FSTL5: variants seen among roughly 807,000 people sequenced by gnomAD.
The protein encoded by FSTL5 is follistatin like 5, also known as follistatin-related protein 5.
FSTL5 carries 62 observed loss-of-function variants against 89.1 expected under a neutral mutation model. The ratio of observed to expected loss-of-function variants is 0.70; its 90% CI spans 0.57 to 0.86. FSTL5 has a LOEUF of 0.86. Ranked by LOEUF, FSTL5 falls within the 40% of genes least tolerant of loss-of-function variation. FSTL5 has a pLI of 0.00. For synonymous variants in FSTL5, 383 were observed against 346.2 expected (o/e 1.11, Z -1.18); for missense variants, 1,057 against 1,001.6 (o/e 1.06, Z -0.75).
chr4:161,601,714 T>G lies in FSTL5; in HGVS notation c.895-14139A>C, dbSNP rs1294719770. 5.3e-5 allele frequency among the ~76,000 whole-genome samples: 8 copies of G among 152,164 alleles called. No individual in the cohort carries two copies. The East Asian group carries it at 1.6e-3, about 29-fold the overall frequency. On this transcript the variant is annotated intron_variant, in intron 7 of 15. Transcript: ENST00000306100. ...GATGGACCAGGCACAATCAAGAATT[T>G]TATCAATTAATACAGCTCCCACCAC...
intron 1 of FSTL5, among the ~76,000 whole-genome samples, chr4:162,136,621 G>A (rs898630215): frequency 6.6e-6 from 1 of 151,982 alleles, no homozygotes; most frequent in Non-Finnish European, 1.5e-5. Flanking sequence ...AATCCAGCTT[G>A]TAGATATAGC....
intron 15 of FSTL5, among the ~76,000 whole-genome samples, chr4:161,442,254 C>T (rs921388103): frequency 6.6e-6 from 1 of 150,888 alleles, no homozygotes; most frequent in Non-Finnish European, 1.5e-5. Context: ...TTTCATTGTG[C>T]CTTAGTTTAC....
intron 6 of FSTL5, among the ~76,000 whole-genome samples, chr4:161,726,958 TAAAG>T (rs1739447747): frequency 1.3e-5 from 2 of 151,256 alleles, no homozygotes; most frequent in Non-Finnish European, 1.5e-5. Flanking sequence ...TGTCTACTGA[TAAAG>T]AAAAGCATTA....
chr4:161,660,653 T>C (rs1475337183), intron 6 of FSTL5, among the ~76,000 whole-genome samples: 1 of 152,066 alleles, frequency 6.6e-6, no homozygotes, highest in African/African-American at 2.4e-5. Context: ...GGCTCCAGTG[T>C]GTGTTGTTCC....
intron 3 of FSTL5, among the ~76,000 whole-genome samples, chr4:161,986,548 T>A (rs1196855068): frequency 1.3e-5 from 2 of 152,198 alleles, no homozygotes; most frequent in African/African-American, 4.8e-5. Flanking sequence ...CAAAACTCTG[T>A]CTCAAAAAAT....
At chr4:161,466,821 T>C (rs1578855294) in intron 13 of FSTL5, among the ~76,000 whole-genome samples, 1 of 152,176 alleles carries the variant, frequency 6.6e-6, no homozygotes. Flanking sequence ...ATGATACTGA[T>C]GTATTTGCTG....
chr4:161,589,518 A>G (rs1344198704), intron 7 of FSTL5, among the ~76,000 whole-genome samples: 1 of 151,830 alleles, frequency 6.6e-6, no homozygotes, highest in Non-Finnish European at 1.5e-5. Context: ...GGTTTTCACT[A>G]TGTTGGCCAT....
Position 161,629,693 on chromosome 4 carries a change from A to AT in FSTL5, c.894+26634dup, listed in dbSNP as rs895008570. On this transcript the variant is annotated intron_variant, in intron 7 of 15. Coordinates refer to ENST00000306100, the MANE Select transcript of FSTL5 (RefSeq NM_020116.5). ...AGCATCTTGGAGGGAAGAAAATGGG[A>AT]TTTTTTTCCCCTAAGCCATAGCTAT... 3.9e-5 allele frequency among the ~76,000 whole-genome samples: 6 copies of AT among 152,142 alleles called. No homozygotes were observed. In the South Asian group the frequency reaches 6.2e-4, roughly 16 times the overall value.
intron 4 of FSTL5, among the ~76,000 whole-genome samples, chr4:161,875,886 T>C (rs1017390386): frequency 6.6e-6 from 1 of 152,198 alleles, no homozygotes; most frequent in African/African-American, 2.4e-5. Context: ...ATCTGTTTGA[T>C]CTACAAAAGT....
At chr4:161,891,558 A>C (rs1298930661) in intron 4 of FSTL5, among the ~76,000 whole-genome samples, 1 of 152,134 alleles carries the variant, frequency 6.6e-6, no homozygotes, top group Admixed American at 6.5e-5. Context: ...AGTCTATTAC[A>C]ATGTTTTGAA....
At chr4:161,940,757 C>G (rs1734558298) in intron 3 of FSTL5, among the ~76,000 whole-genome samples, 1 of 151,434 alleles carries the variant, frequency 6.6e-6, no homozygotes, top group South Asian at 2.1e-4. Context: ...CCAAGAAGTG[C>G]TAAAGGGAAA....
chr4:161,800,252 G>A (rs1474221905), intron 4 of FSTL5, among the ~76,000 whole-genome samples: 2 of 151,546 alleles, frequency 1.3e-5, no homozygotes, highest in South Asian at 2.1e-4. Flanking sequence ...TTCACATAAT[G>A]GGATAAATAT....
intron 11 of FSTL5, among the ~76,000 whole-genome samples, chr4:161,506,529 G>A (rs888771763): frequency 9.2e-5 from 14 of 152,196 alleles, no homozygotes; most frequent in African/African-American, 3.4e-4. Flanking sequence ...CCCATCTCCT[G>A]AGCAGTATAC....
intron 2 of FSTL5, among the ~76,000 whole-genome samples, chr4:162,035,902 C>T (rs1177194790): frequency 1.3e-5 from 2 of 152,050 alleles, no homozygotes; most frequent in Admixed American, 1.3e-4. Context: ...ACAAAGATGA[C>T]TCCAAGGGTC....
intron 1 of FSTL5, among the ~76,000 whole-genome samples, chr4:162,137,909 C>A (rs1450534523): frequency 3.3e-5 from 5 of 151,908 alleles, no homozygotes; most frequent in African/African-American, 1.2e-4. Flanking sequence ...ATAAAAAGTA[C>A]ATTTAGGGGT....
intron 6 of FSTL5, among the ~76,000 whole-genome samples, chr4:161,686,506 C>A (rs1737751451): frequency 6.7e-6 from 1 of 150,036 alleles, no homozygotes; most frequent in Admixed American, 6.6e-5. Context: ...CCACAGGCAC[C>A]CGCCACCATG....
chr4:161,565,782 C>CACACACACACACAT (rs1180752677), intron 8 of FSTL5, among the ~76,000 whole-genome samples: 1 of 145,142 alleles, frequency 6.9e-6, no homozygotes, highest in South Asian at 2.2e-4. Flanking sequence ...CACACACACA[C>CACACACACACACAT]ATATATATGA....
chr4:161,412,333 A>T (rs572290383), intron 15 of FSTL5, among the ~76,000 whole-genome samples: 2 of 152,212 alleles, frequency 1.3e-5, no homozygotes, highest in African/African-American at 4.8e-5. Context: ...AATTAGAAAT[A>T]AACTAACCTA....
In FSTL5 at chr4:161,718,441, T is replaced by A. The variant is rs200858591; in HGVS notation, c.727+40970A>T. On this transcript the variant is annotated intron_variant, in intron 6 of 15. Coordinates refer to ENST00000306100, the MANE Select transcript of FSTL5 (RefSeq NM_020116.5). ...ATGGAGAATATGATAATACATTTTT[T>A]TTTTTGAGATGGAGTCTCACTCTGT... is the stretch of plus-strand genomic sequence containing the variant. Among the ~76,000 whole-genome samples the A allele has an allele frequency of 2.0e-5, 3 of 152,222 alleles. No homozygotes were observed. The East Asian group carries it at 5.8e-4, about 29-fold the overall frequency.
Sources: gnomAD v4.1 joint callset for allele counts (sites outside exome capture counted in the v4.1 genomes callset) on GRCh38, gnomAD v4.1.1 for gene constraint, MANE v1.5 for transcripts, NCBI Gene and HGNC (gene_info 2026-07-23, HGNC 2026-07-21) for gene names.